The following PBRM1 variants were observed in gnomAD, a reference collection of about 807,000 sequenced individuals.
The protein encoded by PBRM1 is protein polybromo-1.
In PBRM1, 27 loss-of-function variants were observed where a neutral mutation model predicts 194.5. The observed-to-expected ratio is 0.14, with a 90% CI of 0.10 to 0.19. PBRM1 has a LOEUF of 0.19. PBRM1 is among the 10% of genes least tolerant of loss of function. The probability of loss-of-function intolerance (pLI) is 1.00; values close to 1 mark genes in which losing one functional copy is unlikely to be tolerated. For synonymous variants in PBRM1, 655 were observed against 693.2 expected (o/e 0.94, Z 0.87); for missense variants, 1,466 against 2,077.2 (o/e 0.71, Z 5.72).
intron 16 of PBRM1, among the ~76,000 whole-genome samples, chr3:52,605,025 T>G (rs1576572697): frequency 6.6e-6 from 1 of 150,736 alleles, no homozygotes; most frequent in African/African-American, 2.4e-5. Flanking sequence ...AACTTCAGAC[T>G]TTAGAATTTT....
chr3:52,606,457 T>G (rs1184988352), intron 16 of PBRM1, among the ~76,000 whole-genome samples: 2 of 152,196 alleles, frequency 1.3e-5, no homozygotes, highest in Non-Finnish European at 2.9e-5. Context: ...TTTGTAAAAT[T>G]TTTGTAAATA....
chr3:52,624,902 T>C (rs1265809498), intron 13 of PBRM1: 3 of 1,543,416 alleles, frequency 1.9e-6, no homozygotes, highest in East Asian at 4.9e-5. Flanking sequence ...CACACCTGGA[T>C]AGCCTCCTGA....
chr3:52,679,767 C>T (rs569134680), upstream of PBRM1: 79 of 1,538,700 alleles, frequency 5.1e-5, no homozygotes, highest in East Asian at 1.8e-3. Context: ...TTTAAATAGA[C>T]TCTGTCACCA....
intron 25 of PBRM1, 71 bp downstream of exon 27, chr3:52,561,696 C>A: frequency 3.0e-6 from 4 of 1,322,986 alleles, no homozygotes; most frequent in Non-Finnish European, 3.3e-6. Context: ...AAGAGTAAAA[C>A]CTGTCTGTGC....
At chr3:52,554,169 T>C (rs1212652578) in intron 27 of PBRM1, among the ~76,000 whole-genome samples, 1 of 152,234 alleles carries the variant, frequency 6.6e-6, no homozygotes, top group Non-Finnish European at 1.5e-5. Flanking sequence ...CCCTGCTTTT[T>C]GTTCTAAGAC....
intron 25 of PBRM1, among the ~76,000 whole-genome samples, chr3:52,558,824 T>C (rs1245494427): frequency 6.6e-6 from 1 of 152,222 alleles, no homozygotes; most frequent in East Asian, 1.9e-4. Flanking sequence ...CCCATTATAA[T>C]TTTTGGTACA....
At chr3:52,554,085 C>T (rs1359773517) in intron 27 of PBRM1, among the ~76,000 whole-genome samples, 2 of 152,194 alleles carry the variant, frequency 1.3e-5, no homozygotes, top group East Asian at 1.9e-4. Flanking sequence ...CAGGCATGAG[C>T]CATTACACCT....
intron 2 of PBRM1, among the ~76,000 whole-genome samples, chr3:52,676,996 C>G (rs1292672480): frequency 6.6e-6 from 1 of 152,136 alleles, no homozygotes; most frequent in African/African-American, 2.4e-5. Context: ...GCAAAGCATT[C>G]AAGAGGTGAG....
upstream of PBRM1, among the ~76,000 whole-genome samples, chr3:52,683,007 C>T (rs1578458997): frequency 1.3e-5 from 2 of 152,170 alleles, 1 homozygote; most frequent in South Asian, 4.1e-4. Flanking sequence ...CAAGACCATC[C>T]TGGCTAACAC....
chr3:52,663,651 T>C (rs975027972), intron 3 of PBRM1, among the ~76,000 whole-genome samples: 1 of 152,178 alleles, frequency 6.6e-6, no homozygotes. Flanking sequence ...ACGAGAAAGC[T>C]AGCAAAAATG....
rs58430288 is a variant in PBRM1, at chr3:52,571,856, C to CAAAAAAAAA, written c.3691+4676_3691+4684dup. Among the ~76,000 whole-genome samples the CAAAAAAAAA allele has an allele frequency of 4.2e-3, 157 of 37,090 alleles. 51 individuals carry two copies. Among genetic ancestry groups the CAAAAAAAAA allele is most frequent in the African/African-American group, 0.017 (147 of 8,722 alleles). 24.3% of individuals were successfully genotyped at this position (37,090 alleles called of 152,430 possible). ...GAGCAAGAGGGATACCTCATCTCCC[C>CAAAAAAAAA]AAAAAAAAAAAAAAAAAAAAAAAAA... On this transcript the variant is annotated intron_variant, in intron 22 of 29. Transcript: ENST00000296302.
chr3:52,684,145 G>A (rs1000172490), upstream of PBRM1, among the ~76,000 whole-genome samples: 2 of 115,616 alleles, frequency 1.7e-5, no homozygotes, highest in Non-Finnish European at 3.3e-5. Flanking sequence ...TCCAGCCTGG[G>A]CAACAAAGTC....
chr3:52,674,552 G>A (rs1276258830), intron 2 of PBRM1, among the ~76,000 whole-genome samples: 3 of 147,370 alleles, frequency 2.0e-5, no homozygotes, highest in Admixed American at 1.4e-4. Context: ...CACTTCGGGA[G>A]GCCAAGGTAG....
Position 52,613,542 on chromosome 3 carries a change from C to G in PBRM1, c.1924+1809G>C, listed in dbSNP as rs933516606. 3.3e-5 allele frequency among the ~76,000 whole-genome samples: 5 copies of G among 151,974 alleles called. No individual in the cohort carries two copies. In the East Asian group the frequency reaches 9.6e-4, roughly 29 times the overall value. ...ATTTTTTTGTAGAGACAAGGTCTCC[C>G]TATGTTGCCCAGGCTGGTCTCAAAC... is the stretch of plus-strand genomic sequence containing the variant. On this transcript the variant is annotated intron_variant, in intron 15 of 29. Transcript: ENST00000296302.
intron 2 of PBRM1, among the ~76,000 whole-genome samples, chr3:52,670,632 G>T (rs919812446): frequency 1.3e-5 from 2 of 152,146 alleles, no homozygotes; most frequent in Non-Finnish European, 2.9e-5. Flanking sequence ...ACAGCCTGCC[G>T]GCTACTCCCT....
At chr3:52,596,323 A>G (rs1225952042) in intron 17 of PBRM1, among the ~76,000 whole-genome samples, 1 of 151,460 alleles carries the variant, frequency 6.6e-6, no homozygotes, top group African/African-American at 2.4e-5. Context: ...CTGTAGTCCC[A>G]GCTACTCGGG....
At chr3:52,614,373 C>CAAAA (rs1165930996) in intron 15 of PBRM1, among the ~76,000 whole-genome samples, 636 of 40,866 alleles carry the variant, frequency 0.016, 28 homozygotes, top group Middle Eastern at 0.024. Flanking sequence ...GATGCTTCAT[C>CAAAA]AAAAAAAAAA....
chr3:52,617,000 T>G (rs1319634621), intron 14 of PBRM1, among the ~76,000 whole-genome samples: 2 of 152,092 alleles, frequency 1.3e-5, no homozygotes, highest in African/African-American at 4.8e-5. Flanking sequence ...ATGAAGAAAT[T>G]GAGGCTCAGG....
chr3:52,639,228 A>C (rs2095967839), intron 10 of PBRM1, among the ~76,000 whole-genome samples: 1 of 151,792 alleles, frequency 6.6e-6, no homozygotes, highest in African/African-American at 2.4e-5. Flanking sequence ...TGCCCACCTC[A>C]GGCTCCAAAA....
Sources: gnomAD v4.1 joint callset for allele counts (sites outside exome capture counted in the v4.1 genomes callset) on GRCh38, gnomAD v4.1.1 for gene constraint, MANE v1.5 for transcripts, NCBI Gene and HGNC (gene_info 2026-07-23, HGNC 2026-07-21) for gene names.